ARB2A: variants seen among roughly 807,000 people sequenced by gnomAD.
ARB2A encodes cotranscriptional regulator ARB2A.
chr5:94,092,882 T>C, the ARB2A span, among the ~76,000 whole-genome samples: 2 of 152,284 alleles, frequency 1.3e-5, no homozygotes, highest in East Asian at 3.9e-4. Context: ...TAGCAGGTTA[T>C]GGGTAAATTC....
the ARB2A span, among the ~76,000 whole-genome samples, chr5:93,724,159 G>A: frequency 2.6e-5 from 4 of 151,234 alleles, no homozygotes; most frequent in South Asian, 2.1e-4. Flanking sequence ...AAAAATGATC[G>A]GTGAATGGAG....
the ARB2A span, among the ~76,000 whole-genome samples, chr5:93,636,670 G>C: frequency 6.6e-6 from 1 of 152,164 alleles, no homozygotes; most frequent in Non-Finnish European, 1.5e-5. Context: ...ACAGCAGCCT[G>C]AATATACAGC....
At chr5:93,811,163 G>A in the ARB2A span, among the ~76,000 whole-genome samples, 1 of 152,038 alleles carries the variant, frequency 6.6e-6, no homozygotes, top group South Asian at 2.1e-4. Context: ...GGTATTAGAA[G>A]ACCGCTGTCT....
the ARB2A span, among the ~76,000 whole-genome samples, chr5:93,625,448 C>G: frequency 1.3e-5 from 2 of 152,108 alleles, no homozygotes; most frequent in African/African-American, 4.8e-5. Flanking sequence ...TCTCTCTTAT[C>G]CTTGTACAGA....
chr5:93,708,385 TC>T, the ARB2A span, among the ~76,000 whole-genome samples: 1 of 152,132 alleles, frequency 6.6e-6, no homozygotes, highest in African/African-American at 2.4e-5. Flanking sequence ...CCTTGAAGGG[TC>T]CCCTACATCA....
the ARB2A span, among the ~76,000 whole-genome samples, chr5:93,918,060 A>T: frequency 6.6e-6 from 1 of 152,170 alleles, no homozygotes; most frequent in African/African-American, 2.4e-5. Flanking sequence ...ATGACTCTCA[A>T]TGTGGTCCTA....
the ARB2A span, among the ~76,000 whole-genome samples, chr5:93,864,361 G>A: frequency 6.6e-6 from 1 of 152,144 alleles, no homozygotes; most frequent in Non-Finnish European, 1.5e-5. Flanking sequence ...TTAAATGGTT[G>A]TGACAGGTTT....
chr5:93,934,533 G>A, the ARB2A span, among the ~76,000 whole-genome samples: 1 of 152,132 alleles, frequency 6.6e-6, no homozygotes, highest in African/African-American at 2.4e-5. Context: ...TAATCATTGT[G>A]GGCCTAATCT....
chr5:93,620,659 A>ACCCGCAGCG, the ARB2A span: 1 of 214,856 alleles, frequency 4.7e-6, no homozygotes, highest in Middle Eastern at 6.5e-4. Context: ...ACGCCGCCGG[A>ACCCGCAGCG]CCCGCAGCGC....
chr5:93,717,672 T>C, the ARB2A span, among the ~76,000 whole-genome samples: 1 of 152,116 alleles, frequency 6.6e-6, no homozygotes, highest in African/African-American at 2.4e-5. Context: ...TAAACCGTGA[T>C]ATAAAACATA....
chr5:93,713,807 G>T, the ARB2A span, among the ~76,000 whole-genome samples: 4 of 152,338 alleles, frequency 2.6e-5, no homozygotes, highest in Admixed American at 6.5e-5. Context: ...TGGTGAACTG[G>T]TGAAGCACTG....
At chr5:93,887,683 A>C in the ARB2A span, among the ~76,000 whole-genome samples, 1 of 151,932 alleles carries the variant, frequency 6.6e-6, no homozygotes, top group Non-Finnish European at 1.5e-5. Context: ...AGTATGATAC[A>C]AAGATACCCA....
the ARB2A span, among the ~76,000 whole-genome samples, chr5:93,975,789 T>C: frequency 1.3e-5 from 2 of 151,796 alleles, no homozygotes; most frequent in African/African-American, 4.8e-5. Flanking sequence ...TTAAAAAAAC[T>C]ACCAACCAAA....
the ARB2A span, among the ~76,000 whole-genome samples, chr5:94,069,345 C>T: frequency 8.3e-4 from 126 of 152,180 alleles, 1 homozygote; most frequent in Non-Finnish European, 7.4e-4. Flanking sequence ...TAGAATGAAA[C>T]ACAGGGGAAA....
chr5:93,915,233 G>T, the ARB2A span, among the ~76,000 whole-genome samples: 1 of 151,788 alleles, frequency 6.6e-6, no homozygotes, highest in South Asian at 2.1e-4. Context: ...GGCAAACCAA[G>T]CAATTGGGCT....
chr5:94,056,313 T>C, the ARB2A span, among the ~76,000 whole-genome samples: 1 of 152,200 alleles, frequency 6.6e-6, no homozygotes, highest in Non-Finnish European at 1.5e-5. Context: ...TCCTCAAATT[T>C]TTCCTGTCAA....
At chr5:93,987,842 A>C in the ARB2A span, among the ~76,000 whole-genome samples, 2 of 152,206 alleles carry the variant, frequency 1.3e-5, no homozygotes, top group African/African-American at 4.8e-5. Context: ...TATTCAACTA[A>C]CTATTGGTAT....
the ARB2A span, chr5:93,861,308 C>CTTTTTTTT: frequency 1.8e-5 from 2 of 109,014 alleles, no homozygotes; most frequent in African/African-American, 3.5e-5. Context: ...CTCTTTTTTT[C>CTTTTTTTT]TTTTTTTTTT....
chr5:93,765,111 A>G, the ARB2A span, among the ~76,000 whole-genome samples: 2 of 152,232 alleles, frequency 1.3e-5, no homozygotes, highest in African/African-American at 4.8e-5. Context: ...AAAAACTGGA[A>G]GCATTCCCTT....
Sources: allele counts gnomAD v4.1 joint callset (sites outside exome capture counted in the v4.1 genomes callset), GRCh38; gene constraint gnomAD v4.1.1; transcripts MANE v1.5; gene names NCBI Gene and HGNC (gene_info 2026-07-23, HGNC 2026-07-21).